EEA1: variants seen among roughly 807,000 people sequenced by gnomAD.
EEA1 encodes the protein early endosome antigen 1.
EEA1 carries 111 observed loss-of-function variants against 209.2 expected under a neutral mutation model. The ratio of observed to expected loss-of-function variants is 0.53; its 90% confidence interval spans 0.45 to 0.62. The LOEUF is 0.62. Ranked by LOEUF, EEA1 falls within the 20% of genes least tolerant of loss-of-function variation. EEA1 has a pLI of 0.00. For missense variants in EEA1, 1,343 were observed against 1,530.8 expected, an observed-to-expected ratio of 0.88 and a Z score of 2.05; for synonymous variants, 536 against 540.6, an observed-to-expected ratio of 0.99 and a Z score of 0.12.
chr12:92,831,598 T>C (rs1171058228), intron 11 of EEA1, among the ~76,000 whole-genome samples: 1 of 146,916 alleles, frequency 6.8e-6, no homozygotes, highest in Admixed American at 6.8e-5. Flanking sequence ...AATATATATT[T>C]CATAAATATA....
chr12:92,826,084 ATTAATT>A, intron 13 of EEA1, 76 bp downstream of exon 13: 4 of 1,409,830 alleles, frequency 2.8e-6, no homozygotes, highest in Non-Finnish European at 3.8e-6. Flanking sequence ...ATTTGGATTA[ATTAATT>A]TTATTTTTTC....
chr12:92,870,521 C>T (rs1481626475), intron 2 of EEA1, among the ~76,000 whole-genome samples: 2 of 152,152 alleles, frequency 1.3e-5, no homozygotes, highest in Non-Finnish European at 1.5e-5. Flanking sequence ...TCCACTGTTA[C>T]TTATGAGAGT....
At chr12:92,849,161 T>G (rs1430946776) in intron 9 of EEA1, among the ~76,000 whole-genome samples, 2 of 152,230 alleles carry the variant, frequency 1.3e-5, no homozygotes, top group Non-Finnish European at 2.9e-5. Context: ...TACATATTCC[T>G]AAAACTGACA....
rs1873432717 is a variant in EEA1 at position 92,771,552 on chromosome 12, A to T, written c.*4459T>A. 1 of 152,006 alleles carries T rather than the reference A, an allele frequency of 6.6e-6. No homozygotes were observed. Among genetic ancestry groups the T allele is most frequent in the Non-Finnish European group, 1.5e-5 (1 of 67,920 alleles). The allele number at this position is 152,006 out of a possible 1,614,324, so 9.4% of individuals were successfully genotyped here. On this transcript the variant is annotated 3_prime_UTR_variant, in exon 29 of 29. Coordinates refer to ENST00000322349, the MANE Select transcript of EEA1 (RefSeq NM_003566.4). ...GCTAAGAATAAATGAGGTGGAGGGG[A>T]GAAAAAGGGGAGAATAGACTTCAAG...
At position 92,796,807 on chromosome 12, in the gene EEA1, T is replaced by C. The variant is rs143464050; in HGVS notation, c.2967+2085A>G. Among the ~76,000 whole-genome samples, 350 of 152,264 alleles carry C rather than the reference T, an allele frequency of 2.3e-3. 3 individuals carry two copies. The highest frequency in any genetic ancestry group is 7.8e-3 in the African/African-American group (323 of 41,550). On this transcript the variant is annotated intron_variant, in intron 21 of 28. Transcript: ENST00000322349. Reference sequence around the variant, plus strand: ...CTTCCATATAATATCCAACAACTATTTTACTTCCACATTGTATGAGTCACA... The same window carrying C: ...CTTCCATATAATATCCAACAACTATCTTACTTCCACATTGTATGAGTCACA...
chr12:92,782,867 G>A (rs1873964171), intron 22 of EEA1, among the ~76,000 whole-genome samples: 1 of 152,142 alleles, frequency 6.6e-6, no homozygotes, highest in South Asian at 2.1e-4. Flanking sequence ...CATACCCTGG[G>A]TGAAAGAATG....
At chr12:92,859,680 T>C (rs1005168235) in intron 3 of EEA1, among the ~76,000 whole-genome samples, 4 of 152,174 alleles carry the variant, frequency 2.6e-5, no homozygotes, top group Non-Finnish European at 5.9e-5. Context: ...AATTGAACAT[T>C]TGTGCCCTAC....
chr12:92,798,309 T>C (rs1296581671), intron 21 of EEA1, among the ~76,000 whole-genome samples: 3 of 152,066 alleles, frequency 2.0e-5, no homozygotes, highest in African/African-American at 7.2e-5. Context: ...CGATGAATGT[T>C]GCATAAATTA....
chr12:92,778,633 A>G (rs1257424528), intron 25 of EEA1, among the ~76,000 whole-genome samples: 1 of 152,060 alleles, frequency 6.6e-6, no homozygotes, highest in African/African-American at 2.4e-5. Flanking sequence ...TTCAATGGCC[A>G]AGTTATCTGG....
At chr12:92,815,270 G>A (rs1000752120) in intron 15 of EEA1, among the ~76,000 whole-genome samples, 3 of 152,108 alleles carry the variant, frequency 2.0e-5, no homozygotes, top group Non-Finnish European at 2.9e-5. Context: ...CAGTGGAAGA[G>A]CAATATTTTG....
chr12:92,908,850 G>T (rs1052035320), intron 1 of EEA1, among the ~76,000 whole-genome samples: 7 of 152,074 alleles, frequency 4.6e-5, no homozygotes, highest in Non-Finnish European at 1.0e-4. Context: ...CTGAGACAGA[G>T]TCTGGCTCTC....
chr12:92,866,006 C>T (rs548852896), intron 2 of EEA1, among the ~76,000 whole-genome samples: 1 of 151,766 alleles, frequency 6.6e-6, no homozygotes, highest in South Asian at 2.1e-4. Flanking sequence ...GCCTCGGCCT[C>T]CCAAAGCATT....
In EEA1 at chr12:92,788,063, T is replaced by C. The variant is rs149040780; in HGVS notation, c.2968-14A>G. The C allele has an allele frequency of 6.5e-7, 1 of 1,549,122 alleles. No homozygotes were observed. The highest frequency in any genetic ancestry group is 1.4e-5 in the African/African-American group (1 of 71,784). On this transcript the variant is annotated splice_polypyrimidine_tract_variant and intron_variant, in intron 21 of 28. Coordinates refer to ENST00000322349, the MANE Select transcript of EEA1 (RefSeq NM_003566.4). ...CTCAAGCTCTGTCTGAAACATACAA[T>C]AGTTATTTAAAACAGTATGCATTCC...
intron 21 of EEA1, among the ~76,000 whole-genome samples, chr12:92,788,581 C>T (rs1874243414): frequency 6.6e-6 from 1 of 152,132 alleles, no homozygotes; most frequent in African/African-American, 2.4e-5. Flanking sequence ...CTAAACTTGT[C>T]TTTAGTCTTC....
intron 9 of EEA1, among the ~76,000 whole-genome samples, chr12:92,844,709 A>T (rs910369489): frequency 2.2e-4 from 33 of 152,106 alleles, no homozygotes; most frequent in African/African-American, 7.7e-4. Context: ...TATAGCAAAA[A>T]TGCCAATTTA....
At chr12:92,780,528 T>C in intron 23 of EEA1, 117 bp from the exon 24 acceptor site, 2 of 666,486 alleles carry the variant, frequency 3.0e-6, no homozygotes, top group Non-Finnish European at 4.7e-6. Context: ...TCTACCTAAC[T>C]TGGGCAAATT....
In EEA1 at chr12:92,883,793, C is replaced by T. The variant is rs1879266417; in HGVS notation, c.117+7836G>A. The T allele has an allele frequency of 3.9e-6, 6 of 1,558,426 alleles. No homozygotes were observed. The African/African-American group carries it at 5.4e-5, about 14-fold the overall frequency. ...TCCGTCATGTCTAAGTCAGAGTCTC[C>T]TAAAGAGCCCGAACAGCTGAGGAAG... is the stretch of plus-strand genomic sequence containing the variant. On this transcript the variant is annotated intron_variant, in intron 2 of 28. Transcript: ENST00000322349.
intron 3 of EEA1, chr12:92,859,193 C>G: frequency 6.2e-7 from 1 of 1,612,522 alleles, no homozygotes; most frequent in African/African-American, 1.3e-5. Flanking sequence ...CTGAAGAAGC[C>G]AATTTATCAG....
chr12:92,880,859 A>C (rs566296464), intron 2 of EEA1, among the ~76,000 whole-genome samples: 2 of 152,334 alleles, frequency 1.3e-5, no homozygotes, highest in East Asian at 3.9e-4. Context: ...TACAGCTAAA[A>C]TTCATGGACA....
Sources: gnomAD v4.1 joint callset for allele counts (sites outside exome capture counted in the v4.1 genomes callset) on GRCh38, gnomAD v4.1.1 for gene constraint, MANE v1.5 for transcripts, NCBI Gene and HGNC (gene_info 2026-07-23, HGNC 2026-07-21) for gene names.